The following PLIN1 variants were observed in gnomAD, a reference collection of about 807,000 sequenced individuals.
PLIN1 encodes the protein perilipin 1.
A neutral mutation model predicts 45.8 loss-of-function variants in PLIN1; 37 were observed. That is an observed-to-expected ratio of 0.81 (90% CI 0.62 to 1.06). PLIN1 has a LOEUF of 1.06. Among genes scored for constraint, PLIN1 ranks in the 50% least tolerant of loss-of-function variants. The probability of loss-of-function intolerance (pLI) is 0.00; values close to 1 mark genes in which losing one functional copy is unlikely to be tolerated. For synonymous variants in PLIN1, 340 were observed against 309.2 expected (o/e 1.10, Z -1.05); for missense variants, 776 against 716.5 (o/e 1.08, Z -0.95).
At chr15:89,677,103 G>A in intron 2 of PLIN1, 1 of 400,142 alleles carries the variant, frequency 2.5e-6, no homozygotes, top group Non-Finnish European at 4.7e-6. Context: ...GCTCTGCACT[G>A]AATGCACATC....
chr15:89,677,497 C>T lies in PLIN1; in HGVS notation c.-8G>A, dbSNP rs760753100. 6.2e-7 allele frequency: 1 copy of T among 1,613,990 alleles called. No homozygotes were observed. The highest frequency in any genetic ancestry group is 2.2e-5 in the East Asian group (1 of 44,874). ...GCCTTTGTTGACTGCCATCCTCGCT[C>T]CTCAAGCTGCAAAACAGAGTCCCAG... On this transcript the variant is annotated 5_prime_UTR_variant, in exon 2 of 9. Transcript: ENST00000300055.
At chr15:89,673,822 G>C (rs989659207) in intron 2 of PLIN1, among the ~76,000 whole-genome samples, 1 of 152,108 alleles carries the variant, frequency 6.6e-6, no homozygotes, top group African/African-American at 2.4e-5. Flanking sequence ...TCTTTCTGGG[G>C]TACTGCCTCC....
At chr15:89,672,859 T>C (rs574831435) in intron 3 of PLIN1, among the ~76,000 whole-genome samples, 1 of 152,332 alleles carries the variant, frequency 6.6e-6, no homozygotes, top group East Asian at 1.9e-4. Context: ...ACTCTGCTGG[T>C]TCTTGCTGCT....
chr15:89,666,845 G>A (rs1200558447), intron 8 of PLIN1, 91 bp downstream of exon 8: 4 of 1,442,998 alleles, frequency 2.8e-6, no homozygotes, highest in Non-Finnish European at 1.9e-6. Context: ...GGGGAAAGGA[G>A]GGGGACTGCA....
Position 89,673,365 on chromosome 15 carries a change from C to T in PLIN1, c.95G>A (p.Gly32Asp), listed in dbSNP as rs754924772. ...QRVLQLPVVS[G>D]TCECFQKTYT... ...GGTCTTCTGGAAGCATTCGCAGGTG[C>T]CACTCACCACCGGCAGCTGCAGGAC... The change falls in exon 3 of 9, where the codon GGC becomes GAC. Residue 32 changes from glycine (G) to aspartate (D), a missense_variant. Physicochemically the swap from Gly to Asp is moderately conservative, Grantham distance 94 (BLOSUM62 -1). Transcript: ENST00000300055. The T allele has an allele frequency of 6.9e-6, 11 of 1,603,450 alleles. No homozygotes were observed. In the East Asian group the frequency reaches 2.0e-4, roughly 29 times the overall value.
chr15:89,677,601 G>A (rs986219698), intron 1 of PLIN1, 98 bp from the exon 2 acceptor site: 5 of 970,762 alleles, frequency 5.2e-6, no homozygotes, highest in Admixed American at 3.4e-5. Context: ...GGCCCAGGCT[G>A]CCTGGGGGCC....
rs779519972 is a variant in PLIN1 at position 89,665,866 on chromosome 15, C to T, written c.1286G>A (p.Arg429Gln). ...CCCAGACGCTCTGCGCTCCGCCTCCCGGCGCTCGACCTCGGCTGGTGGGTT... is the reference window on the plus strand; with the variant it reads ...CCCAGACGCTCTGCGCTCCGCCTCCTGGCGCTCGACCTCGGCTGGTGGGTT... ...IDNPPAEVERREAERRASGAP... is the reference protein window; with the variant it reads ...IDNPPAEVERQEAERRASGAP... Residue 429 changes from arginine (R) to glutamine (Q), a missense_variant, in exon 9 of 9, where the codon CGG (arginine) becomes CAG (glutamine). By Grantham distance (43) the Arg-to-Gln change is conservative (BLOSUM62 1). Coordinates refer to ENST00000300055, the MANE Select transcript of PLIN1 (RefSeq NM_002666.5). 1.3e-6 allele frequency: 2 copies of T among 1,503,912 alleles called. No homozygotes were observed. The highest frequency in any genetic ancestry group is 1.4e-5 in the African/African-American group (1 of 69,824). The allele number at this position is 1,503,912 out of a possible 1,614,324, so 93.2% of individuals were successfully genotyped here.
chr15:89,666,811 TG>T (rs1596038676), intron 8 of PLIN1, 124 bp downstream of exon 8: 9 of 1,048,034 alleles, frequency 8.6e-6, no homozygotes, highest in African/African-American at 6.3e-5. Context: ...AGGACTGGAG[TG>T]GGGGGCGGTC....
rs1320174124 is a variant in PLIN1, at chr15:89,677,228, C to T, written c.45+217G>A. On this transcript the variant is annotated intron_variant, in intron 2 of 8. Coordinates refer to ENST00000300055, the MANE Select transcript of PLIN1 (RefSeq NM_002666.5). ...ATTTCTGTCCCTTTTTTTCAAGGTG[C>T]TTAATTTTTAATAGGCATCTTTTTT... The T allele has an allele frequency of 1.7e-5, 10 of 600,186 alleles. No homozygotes were observed. In the East Asian group the frequency reaches 2.8e-4, roughly 17 times the overall value. 37.2% of individuals were successfully genotyped at this position (600,186 alleles called of 1,614,324 possible). A position where few individuals can be genotyped will look rare whatever the true frequency, so the allele number is the denominator to read the frequency against.
intron 3 of PLIN1, among the ~76,000 whole-genome samples, chr15:89,672,265 G>T (rs1205319026): frequency 6.6e-6 from 1 of 152,264 alleles, no homozygotes; most frequent in African/African-American, 2.4e-5. Context: ...AGGGGATCCC[G>T]CCTGGATTGG....
At chr15:89,678,398 T>C (rs1037719296) in intron 1 of PLIN1, among the ~76,000 whole-genome samples, 6 of 151,576 alleles carry the variant, frequency 4.0e-5, no homozygotes, top group Non-Finnish European at 7.4e-5. Context: ...TAATCCCAGC[T>C]ACTTGGGAGG....
rs1007327162 is a variant in PLIN1 at position 89,664,715 on chromosome 15, G to C, written c.*868C>G. ...TCAATGAAGGGGAACAGGGGAGCTC[G>C]GGGAGAAAGACACACATCCTTTTGC... On this transcript the variant is annotated 3_prime_UTR_variant, in exon 9 of 9. Transcript: ENST00000300055. 1.0e-4 allele frequency: 40 copies of C among 392,574 alleles called. No homozygotes were observed. Among genetic ancestry groups the C allele is most frequent in the African/African-American group, 7.6e-4 (37 of 48,452 alleles). 24.3% of individuals were successfully genotyped at this position (392,574 alleles called of 1,614,324 possible). A position where few individuals can be genotyped will look rare whatever the true frequency, so the allele number is the denominator to read the frequency against.
At position 89,665,814 on chromosome 15, in the gene PLIN1, G is replaced by A. The variant is rs1596038082; in HGVS notation, c.1338C>T (p.Ala446=). The change falls in exon 9 of 9, where the codon GCC becomes GCT. Residue 446 remains alanine (A), a synonymous_variant. Transcript: ENST00000300055. ...SGAPSAGPEP[A]PRLAQPRRSL... is the part of the protein sequence containing the mutation. Reference sequence around the variant, plus strand: ...TGCGGCGGGGCTGTGCGAGACGCGGGGCGGGCTCCGGGCCGGCGGACGGCG... The same window carrying A: ...TGCGGCGGGGCTGTGCGAGACGCGGAGCGGGCTCCGGGCCGGCGGACGGCG... 7.3e-6 allele frequency: 10 copies of A among 1,377,762 alleles called. No individual in the cohort carries two copies. The highest frequency in any genetic ancestry group is 7.5e-6 in the Non-Finnish European group (8 of 1,064,050). 85.3% of individuals were successfully genotyped at this position (1,377,762 alleles called of 1,614,324 possible).
intron 2 of PLIN1, among the ~76,000 whole-genome samples, chr15:89,675,994 A>G (rs1964509702): frequency 6.6e-6 from 1 of 151,946 alleles, no homozygotes; most frequent in Non-Finnish European, 1.5e-5. Context: ...GGGGCTTCCT[A>G]TGTTCTTTTC....
rs1964317814 is a variant in PLIN1, at chr15:89,665,521, C to A, written c.*62G>T. 9.4e-6 allele frequency: 14 copies of A among 1,495,252 alleles called. No individual in the cohort carries two copies. The highest frequency in any genetic ancestry group is 2.4e-4 in the Middle Eastern group (1 of 4,242). 92.6% of individuals were successfully genotyped at this position (1,495,252 alleles called of 1,614,324 possible). ...AGTGGCAACGCTCGCCTGGGCAGTG[C>A]GGGTTCTGTTTATTTGTTAGAGAAA... On this transcript the variant is annotated 3_prime_UTR_variant, in exon 9 of 9. Transcript: ENST00000300055.
intron 1 of PLIN1, among the ~76,000 whole-genome samples, chr15:89,678,726 C>T (rs1405401816): frequency 1.3e-5 from 2 of 152,064 alleles, no homozygotes; most frequent in Admixed American, 1.3e-4. Context: ...TCAGCCTCGG[C>T]AATACAGTGA....
chr15:89,673,477 C>A (rs1031944770), intron 2 of PLIN1, 63 bp from the exon 3 acceptor site: 1 of 1,375,506 alleles, frequency 7.3e-7, no homozygotes, highest in South Asian at 1.2e-5. Flanking sequence ...GGGAAGCTGA[C>A]CCCGGGGTCA....
At chr15:89,675,578 G>C in intron 2 of PLIN1, among the ~76,000 whole-genome samples, 1 of 152,118 alleles carries the variant, frequency 6.6e-6, no homozygotes, top group South Asian at 2.1e-4. Flanking sequence ...CTGCACTCCA[G>C]CCGGGGTGAC....
At position 89,667,685 on chromosome 15, in the gene PLIN1, C is replaced by T. The variant is rs1424074531; in HGVS notation, c.880G>A (p.Asp294Asn). 1.9e-6 allele frequency: 3 copies of T among 1,601,106 alleles called. No homozygotes were observed. The highest frequency in any genetic ancestry group is 4.5e-5 in the East Asian group (2 of 44,216). ...TCCGTGTCTGTCTGGTCCTCATGAT[C>T]CTCCTCCTGGGCGGCTGCGAGGCTG... Reference protein sequence around the residue: ...LHSLAAAQEEDHEDQTDTEGE... With the variant: ...LHSLAAAQEENHEDQTDTEGE... The change falls in exon 7 of 9, where the codon GAT becomes AAT. Residue 294 changes from aspartate (D) to asparagine (N), a missense_variant. Transcript: ENST00000300055.
Sources: allele counts gnomAD v4.1 joint callset (sites outside exome capture counted in the v4.1 genomes callset), GRCh38; gene constraint gnomAD v4.1.1; transcripts MANE v1.5; gene names NCBI Gene and HGNC (gene_info 2026-07-23, HGNC 2026-07-21).